Variants in DLGAP1 observed in about 807,000 individuals in gnomAD.
The protein encoded by DLGAP1 is disks large-associated protein 1.
Under a neutral mutation model 90.8 loss-of-function variants are expected in DLGAP1, and 11 were observed. The observed-to-expected ratio is 0.12, with a 90% CI of 0.08 to 0.20. DLGAP1 has a LOEUF of 0.20. DLGAP1 is among the 10% of genes least tolerant of loss of function. The pLI, the probability that DLGAP1 is intolerant of heterozygous loss-of-function variation, is 1.00. For missense variants in DLGAP1, 1,050 were observed against 1,333.8 expected (o/e 0.79, Z 3.31); for synonymous variants, 558 against 540.7 (o/e 1.03, Z -0.44).
chr18:4,035,177 C>A (rs1598278672), intron 2 of DLGAP1, among the ~76,000 whole-genome samples: 1 of 152,058 alleles, frequency 6.6e-6, no homozygotes, highest in East Asian at 1.9e-4. Context: ...ATTTATAATC[C>A]TTTGGGTATA....
intron 7 of DLGAP1, among the ~76,000 whole-genome samples, chr18:3,702,214 GC>G (rs2061305251): frequency 6.6e-6 from 1 of 152,170 alleles, no homozygotes; most frequent in East Asian, 1.9e-4. Context: ...ACCACGCCCG[GC>G]ATGAAGTTTC....
chr18:3,731,436 T>G (rs548804207), intron 6 of DLGAP1, among the ~76,000 whole-genome samples: 1 of 152,296 alleles, frequency 6.6e-6, no homozygotes, highest in African/African-American at 2.4e-5. Context: ...TCTTTTCTTT[T>G]TTTGAGATAG....
intron 1 of DLGAP1, among the ~76,000 whole-genome samples, chr18:4,220,644 T>C (rs536533158): frequency 6.6e-6 from 1 of 152,160 alleles, no homozygotes; most frequent in Non-Finnish European, 1.5e-5. Context: ...ATGTTCTCCA[T>C]TGACATGGTA....
chr18:4,260,161 G>C (rs1315780414), intron 1 of DLGAP1, among the ~76,000 whole-genome samples: 1 of 152,160 alleles, frequency 6.6e-6, no homozygotes, highest in African/African-American at 2.4e-5. Flanking sequence ...TCTTCTTTAG[G>C]AGAATGTGGT....
intron 1 of DLGAP1, among the ~76,000 whole-genome samples, chr18:4,270,943 A>C (rs1480021270): frequency 6.6e-6 from 1 of 152,174 alleles, no homozygotes; most frequent in East Asian, 1.9e-4. Flanking sequence ...ACATTTTATG[A>C]AGTAACAATT....
intron 5 of DLGAP1, among the ~76,000 whole-genome samples, chr18:3,802,903 T>C (rs975735714): frequency 3.3e-5 from 5 of 152,184 alleles, no homozygotes; most frequent in South Asian, 4.2e-4. Flanking sequence ...ATATCCTCAT[T>C]TGCAATATAA....
chr18:3,949,407 C>A (rs962234198), intron 3 of DLGAP1, among the ~76,000 whole-genome samples: 2 of 152,192 alleles, frequency 1.3e-5, no homozygotes, highest in African/African-American at 2.4e-5. Flanking sequence ...CAGGACCCAG[C>A]TGTGGCTCTG....
At chr18:3,977,710 T>C (rs570398756) in intron 3 of DLGAP1, 5 of 325,150 alleles carry the variant, frequency 1.5e-5, no homozygotes, top group South Asian at 3.0e-5. Context: ...TTCATTCTCA[T>C]ACCAGGAAAT....
chr18:3,499,073 A>G lies in DLGAP1; in HGVS notation c.*112T>C, dbSNP rs2049791685. ...TGGACAACTACACCGCGACAGTGGA[A>G]GTCACCGAGCTCGGGAGCGGACGGG... On this transcript the variant is annotated 3_prime_UTR_variant, in exon 13 of 13. Transcript: ENST00000315677. This position sits in a 1 kb window ranked among gnomAD's most constrained non-coding sequence, Gnocchi z 6.4. 2.1e-6 allele frequency: 2 copies of G among 974,734 alleles called. No homozygotes were observed. Among genetic ancestry groups the G allele is most frequent in the African/African-American group, 3.5e-5 (2 of 56,510 alleles). The allele number at this position is 974,734 out of a possible 1,614,324, so 60.4% of individuals were successfully genotyped here.
intron 3 of DLGAP1, among the ~76,000 whole-genome samples, chr18:3,943,569 T>C (rs1328767325): frequency 6.6e-6 from 1 of 151,258 alleles, no homozygotes; most frequent in African/African-American, 2.4e-5. Flanking sequence ...TGGTCAGTCA[T>C]TGGAAAGGGG....
intron 1 of DLGAP1, among the ~76,000 whole-genome samples, chr18:4,185,441 T>C (rs907769322): frequency 1.3e-5 from 2 of 152,088 alleles, no homozygotes; most frequent in Non-Finnish European, 2.9e-5. Context: ...CCCCAGTGTC[T>C]TTCATTCGCC....
At chr18:4,324,044 G>C (rs1036727614) in intron 1 of DLGAP1, among the ~76,000 whole-genome samples, 3 of 151,760 alleles carry the variant, frequency 2.0e-5, no homozygotes, top group Non-Finnish European at 4.4e-5. Flanking sequence ...AGGAAATTAT[G>C]ATTGAAAAAC....
intron 1 of DLGAP1, among the ~76,000 whole-genome samples, chr18:4,203,265 TA>T (rs61037023): frequency 0.11 from 14,654 of 127,902 alleles, 1,217 homozygotes; most frequent in African/African-American, 0.26. Context: ...ACAGAGAGAT[TA>T]AAAAAAAAAA....
At position 3,507,736 on chromosome 18, in the gene DLGAP1, GT is replaced by G. The variant is rs386386884; in HGVS notation, c.2571+833del. On this transcript the variant is annotated intron_variant, in intron 11 of 12. Transcript: ENST00000315677. Reference sequence around the variant, plus strand: ...TGAGCAATAAAAGCTATTCTTGAAGGTTTTTTTTTTTTTTTTTTTTTGGAGA... The same window carrying G: ...TGAGCAATAAAAGCTATTCTTGAAGGTTTTTTTTTTTTTTTTTTTTGGAGA... Among the ~76,000 whole-genome samples the G allele has an allele frequency of 7.6e-3, 683 of 89,934 alleles. 2 individuals carry two copies. Among genetic ancestry groups the G allele is most frequent in the African/African-American group, 0.025 (571 of 23,304 alleles). The allele number at this position is 89,934 out of a possible 152,430, so 59.0% of individuals were successfully genotyped here.
intron 10 of DLGAP1, among the ~76,000 whole-genome samples, chr18:3,516,220 T>C (rs1044998677): frequency 5.3e-5 from 8 of 151,298 alleles, no homozygotes; most frequent in East Asian, 3.9e-4. Flanking sequence ...AAGTTTTTCT[T>C]TTTTTTTTAA....
chr18:4,130,095 G>A (rs986314657), intron 2 of DLGAP1, among the ~76,000 whole-genome samples: 1 of 152,142 alleles, frequency 6.6e-6, no homozygotes, highest in African/African-American at 2.4e-5. Flanking sequence ...CAATTTCACT[G>A]CAAGAACATC....
intron 5 of DLGAP1, among the ~76,000 whole-genome samples, chr18:3,806,828 T>C (rs2066588906): frequency 6.6e-6 from 1 of 152,228 alleles, no homozygotes; most frequent in African/African-American, 2.4e-5. Flanking sequence ...CTCTGCTGTC[T>C]TAGGGCTTTG....
At chr18:3,752,208 T>C (rs2063527796) in intron 5 of DLGAP1, among the ~76,000 whole-genome samples, 1 of 152,158 alleles carries the variant, frequency 6.6e-6, no homozygotes, top group African/African-American at 2.4e-5. Context: ...GTGATATAAT[T>C]TATACACAGT....
chr18:4,375,062 A>G (rs1567871326), intron 1 of DLGAP1, among the ~76,000 whole-genome samples: 2 of 152,150 alleles, frequency 1.3e-5, no homozygotes, highest in Admixed American at 6.5e-5. Context: ...TTTGACTCAC[A>G]TAATTTTGGA....
Sources: gnomAD v4.1 joint callset for allele counts (sites outside exome capture counted in the v4.1 genomes callset) on GRCh38, gnomAD v4.1.1 for gene constraint, Gnocchi (gnomAD v3.1) non-coding constraint, MANE v1.5 for transcripts, NCBI Gene and HGNC (gene_info 2026-07-23, HGNC 2026-07-21) for gene names.